The following NXPE2 variants were observed in gnomAD, a reference collection of about 807,000 sequenced individuals.
NXPE2 encodes NXPE family member 2.
NXPE2 carries 34 observed loss-of-function variants against 34.4 expected under a neutral mutation model. That is an observed-to-expected ratio of 0.99 (90% CI 0.75 to 1.31). NXPE2 has a LOEUF of 1.31. Ranked by LOEUF, NXPE2 falls within the 40% of genes most tolerant of loss-of-function variation. The probability of loss-of-function intolerance (pLI) is 0.00; values close to 1 mark genes in which losing one functional copy is unlikely to be tolerated. For synonymous variants in NXPE2, 235 were observed against 231.3 expected (o/e 1.02, Z -0.15); for missense variants, 649 against 672.5 (o/e 0.97, Z 0.39).
the NXPE2 span, among the ~76,000 whole-genome samples, chr11:114,667,377 A>G: frequency 6.6e-6 from 1 of 152,194 alleles, no homozygotes; most frequent in Admixed American, 6.6e-5. Context: ...ATTCTGAAGT[A>G]ATAGACTTCT....
the NXPE2 span, chr11:114,513,036 AC>A: frequency 3.1e-4 from 127 of 416,246 alleles, no homozygotes; most frequent in South Asian, 4.8e-4. Flanking sequence ...GGGGTATCTG[AC>A]CCCCCCCAGA....
chr11:114,589,943 T>A, the NXPE2 span, among the ~76,000 whole-genome samples: 5 of 152,204 alleles, frequency 3.3e-5, no homozygotes, highest in Non-Finnish European at 7.3e-5. Flanking sequence ...CTAATCCAAA[T>A]GCCTGAGGGA....
chr11:114,754,492 T>C, the NXPE2 span, among the ~76,000 whole-genome samples: 1 of 152,202 alleles, frequency 6.6e-6, no homozygotes, highest in African/African-American at 2.4e-5. Flanking sequence ...AGGGGCACTT[T>C]CTACAAATGT....
chr11:114,771,432 G>A, the NXPE2 span, among the ~76,000 whole-genome samples: 1 of 150,968 alleles, frequency 6.6e-6, no homozygotes, highest in East Asian at 2.0e-4. Flanking sequence ...TCAGCTCAGG[G>A]GAAGCCTGAC....
chr11:114,581,844 A>G, the NXPE2 span: 1 of 1,163,100 alleles, frequency 8.6e-7, no homozygotes, highest in Non-Finnish European at 1.3e-6. Context: ...GGAAACATAC[A>G]GAAACTAGAT....
chr11:114,632,751 A>T, the NXPE2 span, among the ~76,000 whole-genome samples: 2 of 36,314 alleles, frequency 5.5e-5, no homozygotes, highest in East Asian at 3.0e-3. Flanking sequence ...AATATATTAT[A>T]ATATATCATA....
chr11:114,651,677 T>A, the NXPE2 span, among the ~76,000 whole-genome samples: 2 of 152,190 alleles, frequency 1.3e-5, no homozygotes, highest in African/African-American at 4.8e-5. Context: ...AGAGAGCTGA[T>A]TGGTCTGTTT....
chr11:114,497,987 A>C, the NXPE2 span, among the ~76,000 whole-genome samples: 1 of 151,850 alleles, frequency 6.6e-6, no homozygotes, highest in East Asian at 1.9e-4. Flanking sequence ...GATGTTTTGC[A>C]TTTCTTGTTA....
the NXPE2 span, chr11:114,582,592 A>T: frequency 6.2e-7 from 1 of 1,614,172 alleles, no homozygotes; most frequent in South Asian, 1.1e-5. Context: ...AGAGACAGAG[A>T]GACCTGGCCC....
Position 114,698,396 on chromosome 11 carries a change from G to A in NXPE2, c.484G>A (p.Gly162Ser), listed in dbSNP as rs754295531. The A allele has an allele frequency of 1.9e-6, 3 of 1,614,002 alleles. No individual in the cohort carries two copies. In the South Asian group the frequency reaches 3.3e-5, roughly 18 times the overall value. ...GATGTACTCCACAGCACTAATGGCA[G>A]GTGCTTCAGGAAAGGTGACTGACTT... ...ARMYSTALMA[G>S]ASGKVTDFNN... is the part of the protein sequence containing the mutation. Residue 162 changes from glycine (G) to serine (S), a missense_variant, in exon 3 of 6, where the codon GGT becomes AGT. Coordinates refer to ENST00000389586, the MANE Select transcript of NXPE2 (RefSeq NM_182495.6).
chr11:114,743,790 T>G, the NXPE2 span, among the ~76,000 whole-genome samples: 1 of 148,838 alleles, frequency 6.7e-6, no homozygotes, highest in African/African-American at 2.5e-5. Flanking sequence ...ATATATATTA[T>G]GTATATGTGT....
intron 2 of NXPE2, among the ~76,000 whole-genome samples, chr11:114,690,381 T>G (rs2135547274): frequency 6.6e-6 from 1 of 152,288 alleles, no homozygotes; most frequent in East Asian, 1.9e-4. Context: ...TATGAAATTC[T>G]TGGCTAGCAT....
At chr11:114,735,023 T>C in the NXPE2 span, among the ~76,000 whole-genome samples, 1 of 152,128 alleles carries the variant, frequency 6.6e-6, no homozygotes, top group Non-Finnish European at 1.5e-5. Context: ...AGCAGGAGAA[T>C]GGCGTGAACC....
the NXPE2 span, among the ~76,000 whole-genome samples, chr11:114,615,419 G>A: frequency 8.8e-4 from 133 of 151,010 alleles, 1 homozygote; most frequent in Non-Finnish European, 1.5e-3. Context: ...ACCCTATGGA[G>A]AATAAGTAAT....
chr11:114,718,323 C>G, the NXPE2 span, among the ~76,000 whole-genome samples: 1 of 152,098 alleles, frequency 6.6e-6, no homozygotes, highest in Non-Finnish European at 1.5e-5. Context: ...GTGAAATAAG[C>G]CTGGCGCATT....
At chr11:114,737,392 T>TA in the NXPE2 span, among the ~76,000 whole-genome samples, 2 of 152,062 alleles carry the variant, frequency 1.3e-5, no homozygotes, top group African/African-American at 4.8e-5. Context: ...AGAATGGGTT[T>TA]AAAAAAGAAA....
chr11:114,633,327 G>T, the NXPE2 span, among the ~76,000 whole-genome samples: 6 of 134,866 alleles, frequency 4.4e-5, no homozygotes, highest in Middle Eastern at 3.7e-3. Flanking sequence ...ATATTATGTG[G>T]TATTACATTT....
chr11:114,650,392 A>G, the NXPE2 span, among the ~76,000 whole-genome samples: 133 of 152,356 alleles, frequency 8.7e-4, no homozygotes, highest in Non-Finnish European at 1.7e-3. Context: ...ATGATCCTCC[A>G]CTGCTATTTA....
the NXPE2 span, among the ~76,000 whole-genome samples, chr11:114,801,818 A>G: frequency 6.6e-6 from 1 of 152,172 alleles, no homozygotes; most frequent in African/African-American, 2.4e-5. Context: ...GGTACTATTT[A>G]CTGAGATGGG....
Sources: allele counts gnomAD v4.1 joint callset (sites outside exome capture counted in the v4.1 genomes callset), GRCh38; gene constraint gnomAD v4.1.1; transcripts MANE v1.5; gene names NCBI Gene and HGNC (gene_info 2026-07-23, HGNC 2026-07-21).